The following ZNF607 variants were observed in gnomAD, a reference collection of about 807,000 sequenced individuals.
ZNF607 encodes the protein zinc finger protein 607.
ZNF607 carries 5 observed loss-of-function variants against 12.8 expected under a neutral mutation model. The observed-to-expected ratio is 0.39, with a 90% CI of 0.20 to 0.82. ZNF607 has a LOEUF of 0.82. Ranked by LOEUF, ZNF607 falls within the 40% of genes least tolerant of loss-of-function variation. The pLI is 0.39. For missense variants in ZNF607, 851 were observed against 859.2 expected, an observed-to-expected ratio of 0.99 and a Z score of 0.12; for synonymous variants, 287 against 276.2, an observed-to-expected ratio of 1.04 and a Z score of -0.39.
chr19:37,699,375 G>C lies in ZNF607; in HGVS notation c.756C>G (p.Pro252=). 6.2e-7 allele frequency: 1 copy of C among 1,613,980 alleles called. No homozygotes were observed. Among genetic ancestry groups the C allele is most frequent in the Middle Eastern group, 1.6e-4 (1 of 6,062 alleles). ...RHQSIHTGEK[P]FECNKCGKSF... Reference sequence around the variant, plus strand: ...ACTTCCCACATTTGTTACATTCAAAGGGCTTCTCACCAGTGTGAATACTCT... The same window carrying C: ...ACTTCCCACATTTGTTACATTCAAACGGCTTCTCACCAGTGTGAATACTCT... Residue 252 remains proline, a synonymous_variant, in exon 5 of 5, where the codon CCC becomes CCG. Coordinates refer to ENST00000355202, the MANE Select transcript of ZNF607 (RefSeq NM_032689.5).
At chr19:37,704,499 C>A (rs1188480733) in intron 4 of ZNF607, among the ~76,000 whole-genome samples, 1 of 152,114 alleles carries the variant, frequency 6.6e-6, no homozygotes, top group Non-Finnish European at 1.5e-5. Context: ...CAACATACTT[C>A]TAAATAAACC....
At position 37,709,753 on chromosome 19, in the gene ZNF607, G is replaced by A; in HGVS notation, c.79C>T (p.Gln27Ter). ...ATCACCTCCTGGTACAAGGTCTTCT[G>A]AACCAGGCTGAGATATTCCCACTCC... Reference protein sequence around the residue: ...HQEWEYLSLVQKTLYQEVMME... With the variant: ...HQEWEYLSLV Residue 27 changes from glutamine to a stop codon, truncating the protein, a stop_gained, in exon 3 of 5, where the codon CAG (glutamine) becomes TAG (stop). Transcript: ENST00000355202. LOFTEE classifies it high-confidence loss of function. 6.2e-7 allele frequency: 1 copy of A among 1,614,098 alleles called. No homozygotes were observed. Among genetic ancestry groups the A allele is most frequent in the Non-Finnish European group, 8.5e-7 (1 of 1,179,970 alleles).
At position 37,708,028 on chromosome 19, in the gene ZNF607, A is replaced by C; in HGVS notation, c.137-16T>G. The C allele has an allele frequency of 6.3e-7, 1 of 1,592,100 alleles. No individual in the cohort carries two copies. Among genetic ancestry groups the C allele is most frequent in the Non-Finnish European group, 8.6e-7 (1 of 1,169,328 alleles). On this transcript the variant is annotated splice_polypyrimidine_tract_variant and intron_variant, in intron 3 of 4. Transcript: ENST00000355202. ...GAATGTCCTGCTTACAAAGAAAAGA[A>C]GTGCCACAAAATACGGAAATCAACT...
intron 4 of ZNF607, among the ~76,000 whole-genome samples, chr19:37,705,870 T>G (rs1359083316): frequency 2.0e-5 from 3 of 152,014 alleles, no homozygotes; most frequent in African/African-American, 7.2e-5. Context: ...TTTGTTCTCA[T>G]AAAGTGATTA....
At position 37,709,820 on chromosome 19, in the gene ZNF607, T is replaced by C. The variant is rs879131406; in HGVS notation, c.12A>G (p.Gly4=). The change falls in exon 3 of 5, where the codon GGA becomes GGG. Residue 4 remains glycine, a splice_region_variant and synonymous_variant. Transcript: ENST00000355202. The part of the protein sequence containing the change: MSY[G]SITFGDVAID... ...TGGCCACATCCCCGAATGTTATTGA[T>C]CCCTGAAACAGCAAACCCATGTATT... is the stretch of plus-strand genomic sequence containing the variant. The C allele has an allele frequency of 6.2e-7, 1 of 1,612,984 alleles. No individual in the cohort carries two copies. The highest frequency in any genetic ancestry group is 8.5e-7 in the Non-Finnish European group (1 of 1,179,170).
At chr19:37,709,514 A>C (rs945525324) in intron 3 of ZNF607, among the ~76,000 whole-genome samples, 182 bp downstream of exon 3, 1 of 152,218 alleles carries the variant, frequency 6.6e-6, no homozygotes, top group African/African-American at 2.4e-5. Flanking sequence ...AAGATAGAGA[A>C]GATGAAAGTG....
intron 1 of ZNF607, 45 bp from the exon 2 acceptor site, chr19:37,711,737 C>T (rs1008862192): frequency 1.1e-5 from 10 of 931,800 alleles, no homozygotes; most frequent in East Asian, 2.4e-5. Context: ...TTTAGTGGTC[C>T]CCATAGGACT....
Position 37,698,597 on chromosome 19 carries a change from T to C in ZNF607, c.1534A>G (p.Lys512Glu). The stretch of plus-strand genomic sequence containing the variant: ...AGTTGTCCAGATACACTAAAGGCCT[T>C]CCCACATTCCTTACATTCATAAGGT... ...EKPYECKECG[K>E]AFSVSGQLTQ... The change falls in exon 5 of 5, where the codon AAG (lysine) becomes GAG (glutamate). Residue 512 changes from lysine to glutamate, a missense_variant. Transcript: ENST00000355202. 1 of 1,614,138 alleles carries C rather than the reference T, an allele frequency of 6.2e-7. No individual in the cohort carries two copies. The highest frequency in any genetic ancestry group is 8.5e-7 in the Non-Finnish European group (1 of 1,180,022).
chr19:37,709,453 G>A (rs1306654197), intron 3 of ZNF607, among the ~76,000 whole-genome samples: 2 of 152,144 alleles, frequency 1.3e-5, no homozygotes, highest in East Asian at 3.8e-4. Context: ...CACTTACTGG[G>A]TTAAAGAGAC....
chr19:37,707,642 T>G (rs1359650348), intron 4 of ZNF607, among the ~76,000 whole-genome samples: 2 of 151,798 alleles, frequency 1.3e-5, no homozygotes. Context: ...TGGTATGCAC[T>G]TGTGGTCCCA....
intron 1 of ZNF607, among the ~76,000 whole-genome samples, chr19:37,714,773 G>C (rs1466478755): frequency 6.6e-6 from 1 of 151,936 alleles, no homozygotes; most frequent in Non-Finnish European, 1.5e-5. Context: ...TAATCAAGAT[G>C]ATCTATAGAA....
Position 37,696,639 on chromosome 19 carries a change from C to T in ZNF607, c.*1401G>A, listed in dbSNP as rs1379004346. On this transcript the variant is annotated 3_prime_UTR_variant, in exon 5 of 5. Coordinates refer to ENST00000355202, the MANE Select transcript of ZNF607 (RefSeq NM_032689.5). Reference sequence around the variant, plus strand: ...GGCCTCACTAGGGCAGCTGGAGGAGCACGGACTGCCCTGCCGGCAGGCAGG... The same window carrying T: ...GGCCTCACTAGGGCAGCTGGAGGAGTACGGACTGCCCTGCCGGCAGGCAGG... 6.3e-6 allele frequency: 4 copies of T among 638,656 alleles called. No homozygotes were observed. The highest frequency in any genetic ancestry group is 3.0e-5 in the East Asian group (1 of 32,968). The allele number at this position is 638,656 out of a possible 1,614,324, so 39.6% of individuals were successfully genotyped here.
rs1426141014 is a variant in ZNF607 at position 37,697,462 on chromosome 19, T to C, written c.*578A>G. On this transcript the variant is annotated 3_prime_UTR_variant, in exon 5 of 5. Transcript: ENST00000355202. ...CACTCTGACCTCCACATCTAACTCATGTAATTCTAACAGCACTATACTGTA... is the reference window on the plus strand; with the variant it reads ...CACTCTGACCTCCACATCTAACTCACGTAATTCTAACAGCACTATACTGTA... 3 of 714,960 alleles carry C rather than the reference T, an allele frequency of 4.2e-6. No individual in the cohort carries two copies. The highest frequency in any genetic ancestry group is 1.7e-5 in the African/African-American group (1 of 57,528). 44.3% of individuals were successfully genotyped at this position (714,960 alleles called of 1,614,324 possible).
At position 37,698,084 on chromosome 19, in the gene ZNF607, T is replaced by G; in HGVS notation, c.2047A>C (p.Arg683=). The G allele has an allele frequency of 6.2e-7, 1 of 1,612,718 alleles. No individual in the cohort carries two copies. The highest frequency in any genetic ancestry group is 8.5e-7 in the Non-Finnish European group (1 of 1,179,674). The change falls in exon 5 of 5, where the codon AGG becomes CGG. Residue 683 remains arginine, a synonymous_variant. Transcript: ENST00000355202. The part of the protein sequence containing the change: ...FKCNKCRRSF[R]LRSILEVHQR... ...TGTACTTCAAGGATGGATCTAAGCCTAAAGGACCTTCTGCATTTGTTACAT... is the reference window on the plus strand; with the variant it reads ...TGTACTTCAAGGATGGATCTAAGCCGAAAGGACCTTCTGCATTTGTTACAT...
chr19:37,707,485 C>A (rs1044713992), intron 4 of ZNF607, among the ~76,000 whole-genome samples: 2 of 152,006 alleles, frequency 1.3e-5, no homozygotes, highest in Non-Finnish European at 2.9e-5. Flanking sequence ...TAGAACAATT[C>A]TGGGCCAGGC....
rs750127660 is a variant in ZNF607, at chr19:37,698,499, G to C, written c.1632C>G (p.Phe544Leu). Residue 544 changes from phenylalanine to leucine, a missense_variant, in exon 5 of 5, where the codon TTC becomes TTG. Transcript: ENST00000355202. ...TCTGATGGGCTTTAAGTACAGAAAT[G>C]AACCTAAAAGACTTCCCGCATTTGT... ...ECNKCGKSFR[F>L]ISVLKAHQNI... 3 of 1,613,890 alleles carry C rather than the reference G, an allele frequency of 1.9e-6. No homozygotes were observed. The highest frequency in any genetic ancestry group is 8.5e-7 in the Non-Finnish European group (1 of 1,180,018).
intron 4 of ZNF607, among the ~76,000 whole-genome samples, chr19:37,701,122 G>A (rs2045035378): frequency 6.6e-6 from 1 of 151,972 alleles, no homozygotes; most frequent in Admixed American, 6.6e-5. Context: ...TTTAAAATGT[G>A]CACATAAGAT....
Position 37,698,463 on chromosome 19 carries a change from G to T in ZNF607, c.1668C>A (p.Ser556Arg), listed in dbSNP as rs201608050. 1 of 1,613,866 alleles carries T rather than the reference G, an allele frequency of 6.2e-7. No homozygotes were observed. Among genetic ancestry groups the T allele is most frequent in the Admixed American group, 1.7e-5 (1 of 59,960 alleles). ...SVLKAHQNIH[S>R]AEKPYECKEC... is the part of the protein sequence containing the mutation. ...CCTTACATTCGTAGGGTTTCTCAGC[G>T]CTATGAATATTCTGATGGGCTTTAA... is the stretch of plus-strand genomic sequence containing the variant. Residue 556 changes from serine to arginine, a missense_variant, in exon 5 of 5, where the codon AGC becomes AGA. Transcript: ENST00000355202.
chr19:37,697,040 G>C lies in ZNF607; in HGVS notation c.*1000C>G, dbSNP rs1402139406. 7 of 731,550 alleles carry C rather than the reference G, an allele frequency of 9.6e-6. No homozygotes were observed. The highest frequency in any genetic ancestry group is 1.8e-5 in the Non-Finnish European group (7 of 392,276). 45.3% of individuals were successfully genotyped at this position (731,550 alleles called of 1,614,324 possible). On this transcript the variant is annotated 3_prime_UTR_variant, in exon 5 of 5. Coordinates refer to ENST00000355202, the MANE Select transcript of ZNF607 (RefSeq NM_032689.5). ...GTGACTTGAGGATCTCCGTGGTAAT[G>C]AACGGCAGCACACACTCATCGTAGT...
Sources: allele counts gnomAD v4.1 joint callset (sites outside exome capture counted in the v4.1 genomes callset), GRCh38; gene constraint gnomAD v4.1.1; transcripts MANE v1.5; gene names NCBI Gene and HGNC (gene_info 2026-07-23, HGNC 2026-07-21).